The following PBLD variants were observed in gnomAD, a reference collection of about 807,000 sequenced individuals.
PBLD encodes phenazine biosynthesis-like domain-containing protein.
Under a neutral mutation model 31.3 loss-of-function variants are expected in PBLD, and 26 were observed. The ratio of observed to expected loss-of-function variants is 0.83; its 90% CI spans 0.61 to 1.15. PBLD has a LOEUF of 1.15. Among genes scored for constraint, PBLD ranks in the 50% most tolerant of loss-of-function variants. The probability of loss-of-function intolerance (pLI) is 0.00; values close to 1 mark genes in which losing one functional copy is unlikely to be tolerated. For missense variants in PBLD, 307 were observed against 351.7 expected, an observed-to-expected ratio of 0.87 and a Z score of 1.02; for synonymous variants, 114 against 129.0, an observed-to-expected ratio of 0.88 and a Z score of 0.79.
chr10:68,296,578 A>C (rs7912806), intron 3 of PBLD, among the ~76,000 whole-genome samples: 105,046 of 152,136 alleles, frequency 0.69, 37,218 homozygotes, highest in Middle Eastern at 0.81. Flanking sequence ...CCCTTCCCCA[A>C]ATGAACCGAA....
At chr10:68,326,001 A>G (rs911037897) in intron 1 of PBLD, among the ~76,000 whole-genome samples, 2 of 151,502 alleles carry the variant, frequency 1.3e-5, no homozygotes, top group Non-Finnish European at 2.9e-5. Flanking sequence ...GGACAGGTTC[A>G]CTTTATGTAC....
chr10:68,285,866 A>T (rs565084708), intron 8 of PBLD, among the ~76,000 whole-genome samples: 4 of 144,964 alleles, frequency 2.8e-5, no homozygotes, highest in Non-Finnish European at 6.1e-5. Context: ...TTTTTTGTAG[A>T]GATGGGGTTT....
At chr10:68,318,027 A>T (rs2044758792) in intron 1 of PBLD, among the ~76,000 whole-genome samples, 1 of 152,092 alleles carries the variant, frequency 6.6e-6, no homozygotes, top group Non-Finnish European at 1.5e-5. Context: ...GGAGATCGAG[A>T]CCATCCTGGA....
intron 7 of PBLD, 49 bp from the exon 8 acceptor site, chr10:68,288,710 T>A: frequency 6.3e-7 from 1 of 1,578,800 alleles, no homozygotes; most frequent in South Asian, 1.2e-5. Context: ...CACAGCCCAC[T>A]CACCACACAG....
At chr10:68,293,190 T>C (rs1258097746) in intron 4 of PBLD, among the ~76,000 whole-genome samples, 1 of 152,208 alleles carries the variant, frequency 6.6e-6, no homozygotes, top group African/African-American at 2.4e-5. Context: ...TTTTAAAATA[T>C]CCAGCAGCAA....
intron 6 of PBLD, among the ~76,000 whole-genome samples, chr10:68,289,464 A>C (rs781642582): frequency 2.0e-5 from 3 of 152,030 alleles, no homozygotes; most frequent in Non-Finnish European, 4.4e-5. Context: ...TGAACCAAGA[A>C]TCACTTGTGA....
At chr10:68,314,689 C>A (rs1406397154) in intron 1 of PBLD, among the ~76,000 whole-genome samples, 2 of 152,062 alleles carry the variant, frequency 1.3e-5, no homozygotes, top group African/African-American at 2.4e-5. Flanking sequence ...CTTCCGCCTC[C>A]CAGGTTCAAG....
chr10:68,310,442 A>T (rs1410734733), intron 1 of PBLD, among the ~76,000 whole-genome samples: 3 of 149,164 alleles, frequency 2.0e-5, no homozygotes, highest in Non-Finnish European at 3.0e-5. Flanking sequence ...TCACATAATC[A>T]TTATTTTTAT....
intron 2 of PBLD, among the ~76,000 whole-genome samples, chr10:68,305,490 A>G (rs2044564933): frequency 6.6e-6 from 1 of 152,072 alleles, no homozygotes; most frequent in African/African-American, 2.4e-5. Context: ...CGCGGTGCTC[A>G]CGCCTGTAAT....
chr10:68,300,964 CT>C (rs775742743), intron 2 of PBLD, among the ~76,000 whole-genome samples: 1 of 152,090 alleles, frequency 6.6e-6, no homozygotes, highest in African/African-American at 2.4e-5. Context: ...GTGGTGCGAT[CT>C]GGCTCACTGC....
rs543845606 is a variant in PBLD, at chr10:68,321,996, T to C, written c.-60+10788A>G. Among the ~76,000 whole-genome samples, 21 of 152,322 alleles carry C rather than the reference T, an allele frequency of 1.4e-4. 2 individuals carry two copies. In the South Asian group the frequency reaches 3.3e-3, roughly 24 times the overall value. On this transcript the variant is annotated intron_variant, in intron 1 of 9. Transcript: ENST00000358769. ...CTTCCCCAGGACCCTGAGTATGGGC[T>C]GCTCTCAGTAACTTGCTTCCAAAGA...
chr10:68,303,055 A>T (rs1357869112), intron 2 of PBLD, among the ~76,000 whole-genome samples: 7 of 149,684 alleles, frequency 4.7e-5, no homozygotes, highest in African/African-American at 1.7e-4. Context: ...GACACCATCA[A>T]TTATTTATTT....
At chr10:68,305,599 T>TA (rs1313377677) in intron 2 of PBLD, among the ~76,000 whole-genome samples, 1 of 151,894 alleles carries the variant, frequency 6.6e-6, no homozygotes, top group Non-Finnish European at 1.5e-5. Context: ...ATTAAAAATA[T>TA]AAAAAATTAG....
intron 2 of PBLD, among the ~76,000 whole-genome samples, chr10:68,299,593 T>C (rs1450587009): frequency 2.0e-5 from 3 of 152,056 alleles, no homozygotes; most frequent in Non-Finnish European, 4.4e-5. Flanking sequence ...TGGCAGCTTA[T>C]GCCTGTAATC....
chr10:68,311,988 T>A (rs1167507171), intron 1 of PBLD, among the ~76,000 whole-genome samples: 1 of 152,200 alleles, frequency 6.6e-6, no homozygotes, highest in East Asian at 1.9e-4. Flanking sequence ...CAAAGTACTG[T>A]TTCTGCTGAA....
At position 68,284,088 on chromosome 10, in the gene PBLD, G is replaced by A. The variant is rs2044258125; in HGVS notation, c.*89C>T. The A allele has an allele frequency of 4.1e-6, 5 of 1,206,388 alleles. No homozygotes were observed. The highest frequency in any genetic ancestry group is 1.3e-5 in the South Asian group (1 of 74,488). 74.7% of individuals were successfully genotyped at this position (1,206,388 alleles called of 1,614,324 possible). ...ACATGAGGATTAAGTAGACTACTAC[G>A]CACATTTGCTAAAGGCAGCCCCTTA... On this transcript the variant is annotated 3_prime_UTR_variant, in exon 10 of 10. Coordinates refer to ENST00000358769, the MANE Select transcript of PBLD (RefSeq NM_022129.4).
chr10:68,307,757 C>G (rs1018260664), intron 1 of PBLD, among the ~76,000 whole-genome samples: 18 of 152,032 alleles, frequency 1.2e-4, no homozygotes, highest in Non-Finnish European at 2.2e-4. Flanking sequence ...CCTCGGCCTC[C>G]CAAAGTGCTG....
At chr10:68,324,486 A>G (rs1038789393) in intron 1 of PBLD, among the ~76,000 whole-genome samples, 5 of 151,396 alleles carry the variant, frequency 3.3e-5, no homozygotes, top group African/African-American at 1.2e-4. Flanking sequence ...AATATTTCTT[A>G]AAGAGAGCCT....
chr10:68,320,669 TTTTAA>T (rs1187813959), intron 1 of PBLD, among the ~76,000 whole-genome samples: 1 of 152,084 alleles, frequency 6.6e-6, no homozygotes, highest in Non-Finnish European at 1.5e-5. Context: ...TCTCTCTTTC[TTTTAA>T]TTTTTTTATT....
Sources: allele counts gnomAD v4.1 joint callset (sites outside exome capture counted in the v4.1 genomes callset), GRCh38; gene constraint gnomAD v4.1.1; transcripts MANE v1.5; gene names NCBI Gene and HGNC (gene_info 2026-07-23, HGNC 2026-07-21).